MEF2C: variants seen among roughly 807,000 people sequenced by gnomAD.
The protein encoded by MEF2C is myocyte-specific enhancer factor 2C.
MEF2C carries 6 observed loss-of-function variants against 50.5 expected under a neutral mutation model. The ratio of observed to expected loss-of-function variants is 0.12; its 90% CI spans 0.07 to 0.23. MEF2C has a LOEUF of 0.23. Among genes scored for constraint, MEF2C ranks in the 10% least tolerant of loss-of-function variants. MEF2C has a pLI of 1.00. For synonymous variants in MEF2C, 183 were observed against 228.0 expected (o/e 0.80, Z 1.78); for missense variants, 276 against 605.0 (o/e 0.46, Z 5.70).
chr5:88,849,015 G>C (rs1820317367), intron 1 of MEF2C, among the ~76,000 whole-genome samples: 2 of 151,878 alleles, frequency 1.3e-5, no homozygotes, highest in Admixed American at 1.3e-4. Context: ...GCCGGGCATG[G>C]TGGCGCCTGC....
intron 1 of MEF2C, among the ~76,000 whole-genome samples, chr5:88,897,597 A>G (rs1445192737): frequency 6.6e-6 from 1 of 152,166 alleles, no homozygotes; most frequent in Non-Finnish European, 1.5e-5. Flanking sequence ...AACTTAAGAA[A>G]AACTTAAGAA....
chr5:88,769,708 G>T (rs774172662), intron 3 of MEF2C, among the ~76,000 whole-genome samples: 5 of 152,188 alleles, frequency 3.3e-5, no homozygotes, highest in Admixed American at 1.3e-4. Context: ...GCAGCGGCAT[G>T]ATCTCAGCTC....
At chr5:88,832,704 T>C (rs1368592401) in intron 1 of MEF2C, among the ~76,000 whole-genome samples, 3 of 152,210 alleles carry the variant, frequency 2.0e-5, no homozygotes, top group African/African-American at 7.2e-5. Context: ...ACCTAGAATA[T>C]TTTGATGTCA....
chr5:88,735,194 T>G (rs1021344412), intron 6 of MEF2C: 37 of 985,236 alleles, frequency 3.8e-5, no homozygotes, highest in South Asian at 9.4e-5. Context: ...AACCGCAGCC[T>G]CCTCCTCACT....
At chr5:88,770,689 C>T (rs1409356006) in intron 3 of MEF2C, among the ~76,000 whole-genome samples, 1 of 152,178 alleles carries the variant, frequency 6.6e-6, no homozygotes, top group Non-Finnish European at 1.5e-5. Context: ...AATTTCTTGA[C>T]TCACCTATCG....
intron 3 of MEF2C, among the ~76,000 whole-genome samples, chr5:88,767,869 T>C (rs1780701906): frequency 6.6e-6 from 1 of 152,228 alleles, no homozygotes; most frequent in African/African-American, 2.4e-5. Flanking sequence ...AACATTCAAA[T>C]GGTGCTAATT....
At chr5:88,828,790 G>A (rs1056970824) in intron 1 of MEF2C, among the ~76,000 whole-genome samples, 1 of 151,802 alleles carries the variant, frequency 6.6e-6, no homozygotes, top group Non-Finnish European at 1.5e-5. Flanking sequence ...TTTTCCATTA[G>A]GAGCTATTCT....
chr5:88,902,960 A>T (rs1043566976), intron 1 of MEF2C, among the ~76,000 whole-genome samples: 1 of 151,540 alleles, frequency 6.6e-6, no homozygotes, highest in Non-Finnish European at 1.5e-5. Context: ...TGAGCTGCTT[A>T]CTTGCTTAAA....
chr5:88,837,104 G>A (rs1439870507), intron 1 of MEF2C, among the ~76,000 whole-genome samples: 4 of 150,124 alleles, frequency 2.7e-5, no homozygotes, highest in East Asian at 2.0e-4. Flanking sequence ...CATGCTGAAT[G>A]TCATAATCTG....
intron 1 of MEF2C, among the ~76,000 whole-genome samples, chr5:88,890,373 T>G (rs1000775124): frequency 5.3e-5 from 8 of 152,258 alleles, no homozygotes; most frequent in Non-Finnish European, 1.0e-4. Context: ...CTTTGACCTG[T>G]CTGGCATTGT....
intron 6 of MEF2C, chr5:88,733,464 A>G: frequency 1.0e-6 from 1 of 985,396 alleles, no homozygotes; most frequent in African/African-American, 1.7e-5. Context: ...AGAAAGATCT[A>G]CTGGCATTGG....
At position 88,900,286 on chromosome 5, in the gene MEF2C, T is replaced by C. The variant is rs558284257; in HGVS notation, c.-240+3630A>G. On this transcript the variant is annotated intron_variant, in intron 1 of 11. Coordinates refer to the MEF2C transcript ENST00000340208. The stretch of plus-strand genomic sequence containing the variant: ...GGAATTAATATAAGATAGTTATATA[T>C]ACACACACATAAGCTAGTCAGTTGT... 4.6e-5 allele frequency among the ~76,000 whole-genome samples: 7 copies of C among 151,918 alleles called. No homozygotes were observed. In the East Asian group the frequency reaches 1.2e-3, roughly 25 times the overall value.
At chr5:88,891,471 C>T (rs755123830) in intron 1 of MEF2C, among the ~76,000 whole-genome samples, 2 of 143,528 alleles carry the variant, frequency 1.4e-5, no homozygotes, top group East Asian at 2.0e-4. Context: ...GATCTTGGCT[C>T]GGCTCACTGA....
At chr5:88,878,693 GTCTT>G (rs1172993853) in intron 1 of MEF2C, among the ~76,000 whole-genome samples, 6 of 151,638 alleles carry the variant, frequency 4.0e-5, no homozygotes, top group East Asian at 1.9e-4. Context: ...TTTCTAAATA[GTCTT>G]TCTTTATTCC....
intron 4 of MEF2C, among the ~76,000 whole-genome samples, chr5:88,760,416 T>C (rs915909588): frequency 3.3e-5 from 5 of 152,248 alleles, no homozygotes; most frequent in Non-Finnish European, 7.3e-5. Flanking sequence ...ACAAACATGT[T>C]GAAATCTTAC....
chr5:88,803,254 C>G (rs1799096231), intron 3 of MEF2C, among the ~76,000 whole-genome samples: 1 of 152,204 alleles, frequency 6.6e-6, no homozygotes, highest in Admixed American at 6.5e-5. Context: ...CACCCTAGGT[C>G]TATTTATCAT....
intron 1 of MEF2C, among the ~76,000 whole-genome samples, chr5:88,890,772 T>G (rs1180972262): frequency 6.6e-6 from 1 of 152,222 alleles, no homozygotes; most frequent in Admixed American, 6.5e-5. Context: ...AGTCAGACTT[T>G]CAGTATCTTC....
chr5:88,798,611 T>C (rs1797001566), intron 3 of MEF2C, among the ~76,000 whole-genome samples: 1 of 152,010 alleles, frequency 6.6e-6, no homozygotes, highest in Non-Finnish European at 1.5e-5. Context: ...GAGGAGTTTG[T>C]TATTACCCAC....
At chr5:88,868,503 C>A (rs774064286) in intron 1 of MEF2C, among the ~76,000 whole-genome samples, 6 of 152,102 alleles carry the variant, frequency 3.9e-5, no homozygotes, top group Non-Finnish European at 8.8e-5. Flanking sequence ...ATTCAAATTG[C>A]AGCAAAATAA....
Sources: allele counts gnomAD v4.1 joint callset (sites outside exome capture counted in the v4.1 genomes callset), GRCh38; gene constraint gnomAD v4.1.1; transcripts MANE v1.5; gene names NCBI Gene and HGNC (gene_info 2026-07-23, HGNC 2026-07-21).